CPS1: variants seen among roughly 807,000 people sequenced by gnomAD.
The protein encoded by CPS1 is carbamoyl-phosphate synthase 1.
In CPS1, 109 loss-of-function variants were observed where a neutral mutation model predicts 174.6. That is an observed-to-expected ratio of 0.62 (90% CI 0.53 to 0.73). The LOEUF is 0.73. Ranked by LOEUF, CPS1 falls within the 30% of genes least tolerant of loss-of-function variation. The pLI, the probability that CPS1 is intolerant of heterozygous loss-of-function variation, is 0.00. For missense variants in CPS1, 1,689 were observed against 1,821.9 expected (o/e 0.93, Z 1.33); for synonymous variants, 637 against 632.0 (o/e 1.01, Z -0.12).
At chr2:210,596,312 G>A (rs951518283) in intron 13 of CPS1, among the ~76,000 whole-genome samples, 1 of 151,822 alleles carries the variant, frequency 6.6e-6, no homozygotes, top group South Asian at 2.1e-4. Flanking sequence ...CAGGCCATTC[G>A]GAGGCAATGT....
intron 21 of CPS1, among the ~76,000 whole-genome samples, chr2:210,623,286 T>C (rs1387325498): frequency 6.6e-6 from 1 of 152,156 alleles, no homozygotes; most frequent in East Asian, 1.9e-4. Flanking sequence ...ATATAACCAT[T>C]GTGATACAAT....
intron 11 of CPS1, chr2:210,593,309 C>A: frequency 9.9e-6 from 11 of 1,108,428 alleles, no homozygotes; most frequent in Non-Finnish European, 1.2e-5. Context: ...AAATTTTAAT[C>A]CCCCATCTGT....
chr2:210,511,506 C>G (rs185766050), intron 1 of CPS1, among the ~76,000 whole-genome samples: 1 of 149,502 alleles, frequency 6.7e-6, no homozygotes, highest in Non-Finnish European at 1.5e-5. Context: ...ACATTGTGCA[C>G]ATGTACCCTC....
intron 1 of CPS1, among the ~76,000 whole-genome samples, chr2:210,498,330 G>A (rs1695056736): frequency 6.6e-6 from 1 of 152,060 alleles, no homozygotes; most frequent in South Asian, 2.1e-4. Context: ...TCTTTGAGCA[G>A]TGTTTTGTAG....
chr2:210,602,268 C>CT lies in CPS1; in HGVS notation c.1775dup (p.Gly594TrpfsTer42), dbSNP rs1341782266. On this transcript the variant is annotated frameshift_variant, in exon 16 of 38. Transcript: ENST00000233072. LOFTEE classifies it high-confidence loss of function. ...AGTGATGATCCGTTCCGCCTATGCA[C>CT]TGGGTGGGTTAGGCTCAGGCATCTG... 1 of 1,612,554 alleles carries CT rather than the reference C, an allele frequency of 6.2e-7. No individual in the cohort carries two copies. The highest frequency in any genetic ancestry group is 8.5e-7 in the Non-Finnish European group (1 of 1,179,076).
intron 1 of CPS1, among the ~76,000 whole-genome samples, chr2:210,507,353 G>T (rs1023515779): frequency 6.6e-6 from 1 of 152,144 alleles, no homozygotes; most frequent in Non-Finnish European, 1.5e-5. Flanking sequence ...CACCAGGCCT[G>T]CCCTAAAAGA....
At chr2:210,496,269 GTCTC>G (rs1289730704) in intron 1 of CPS1, among the ~76,000 whole-genome samples, 1 of 152,114 alleles carries the variant, frequency 6.6e-6, no homozygotes, top group Non-Finnish European at 1.5e-5. Flanking sequence ...AACTGTGTAT[GTCTC>G]TCTGTCTCCA....
At chr2:210,669,633 C>T (rs1011354839) in intron 34 of CPS1, among the ~76,000 whole-genome samples, 5 of 151,988 alleles carry the variant, frequency 3.3e-5, no homozygotes, top group African/African-American at 4.8e-5. Context: ...ACCAGAAGGA[C>T]GACGGTGAAT....
chr2:210,498,588 T>C (rs1695064240), intron 1 of CPS1, among the ~76,000 whole-genome samples: 1 of 152,186 alleles, frequency 6.6e-6, no homozygotes, highest in African/African-American at 2.4e-5. Context: ...CGTAGAATCA[T>C]ATCAGTGAAG....
chr2:210,652,005 A>AG (rs2105912839), intron 28 of CPS1, among the ~76,000 whole-genome samples: 1 of 152,326 alleles, frequency 6.6e-6, no homozygotes, highest in South Asian at 2.1e-4. Context: ...GAGAAAATAC[A>AG]GGATGTTGAG....
chr2:210,673,489 A>G (rs10179039), intron 34 of CPS1: 148,062 of 152,264 alleles, frequency 0.97, 72,149 homozygotes, highest in Middle Eastern at 1. Flanking sequence ...GCAATGGACT[A>G]CAGGAAAATA....
At chr2:210,505,616 G>A (rs1695257256) in intron 1 of CPS1, among the ~76,000 whole-genome samples, 1 of 152,154 alleles carries the variant, frequency 6.6e-6, no homozygotes, top group South Asian at 2.1e-4. Context: ...AAGCACAAGG[G>A]GTCAGGGAAT....
At chr2:210,515,583 ATCTC>A (rs1394835706) in intron 1 of CPS1, among the ~76,000 whole-genome samples, 4 of 149,840 alleles carry the variant, frequency 2.7e-5, no homozygotes, top group African/African-American at 7.3e-5. Flanking sequence ...GCTTATTTTG[ATCTC>A]TCTCTTTTTG....
At chr2:210,493,307 G>A (rs549586536) in intron 1 of CPS1, among the ~76,000 whole-genome samples, 16 of 152,266 alleles carry the variant, frequency 1.1e-4, no homozygotes, top group South Asian at 2.1e-4. Context: ...TTCATTGGAC[G>A]AGAATTGAGG....
upstream of CPS1, among the ~76,000 whole-genome samples, chr2:210,555,487 C>G (rs537207605): frequency 6.6e-6 from 1 of 152,124 alleles, no homozygotes; most frequent in African/African-American, 2.4e-5. Context: ...ACTTTGAAAT[C>G]AAATACTGTT....
rs1207781275 is a variant in CPS1 at position 210,608,472 on chromosome 2, C to T, written c.2304C>T (p.Tyr768=). ...CCTGTTTTGAACCTAGCCTGGATTA[C>T]ATGGTCACCAAGATTCCCCGCTGGG... The part of the protein sequence containing the change: ...TSACFEPSLD[Y]MVTKIPRWDL... Residue 768 remains tyrosine (Y), a synonymous_variant, in exon 19 of 38, where the codon TAC becomes TAT. Transcript: ENST00000233072. The T allele has an allele frequency of 6.2e-7, 1 of 1,612,536 alleles. No homozygotes were observed. Among genetic ancestry groups the T allele is most frequent in the East Asian group, 2.2e-5 (1 of 44,804 alleles).
At chr2:210,589,868 T>C (rs1202364134) in intron 7 of CPS1, among the ~76,000 whole-genome samples, 4 of 151,902 alleles carry the variant, frequency 2.6e-5, no homozygotes, top group African/African-American at 9.7e-5. Flanking sequence ...CAGGCTAGTC[T>C]TGACTTCCTG....
At chr2:210,504,060 T>C (rs1380968353) in intron 1 of CPS1, among the ~76,000 whole-genome samples, 1 of 152,178 alleles carries the variant, frequency 6.6e-6, no homozygotes, top group African/African-American at 2.4e-5. Context: ...CTTCCCTGGC[T>C]TTGTCCCAGC....
At chr2:210,661,944 C>G (rs2105924800) in intron 32 of CPS1, among the ~76,000 whole-genome samples, 1 of 120,018 alleles carries the variant, frequency 8.3e-6, no homozygotes. Flanking sequence ...CTTGCTCTGT[C>G]ACCCTGGCTG....
Sources: allele counts gnomAD v4.1 joint callset (sites outside exome capture counted in the v4.1 genomes callset), GRCh38; gene constraint gnomAD v4.1.1; transcripts MANE v1.5; gene names NCBI Gene and HGNC (gene_info 2026-07-23, HGNC 2026-07-21).